Variants in PCCB observed in about 807,000 individuals in gnomAD.
PCCB encodes propionyl-CoA carboxylase subunit beta, also known as propionyl-CoA carboxylase beta chain, mitochondrial.
PCCB carries 43 observed loss-of-function variants against 60.7 expected under a neutral mutation model. That is an observed-to-expected ratio of 0.71 (90% CI 0.55 to 0.91). The LOEUF (loss-of-function observed/expected upper bound fraction) is 0.91, where lower values mean the gene tolerates loss of function less well. PCCB is among the 40% of genes least tolerant of loss of function. The pLI is 0.00. For missense variants in PCCB, 766 were observed against 702.8 expected, an observed-to-expected ratio of 1.09 and a Z score of -1.02; for synonymous variants, 276 against 255.9, an observed-to-expected ratio of 1.08 and a Z score of -0.75.
Position 136,317,131 on chromosome 3 carries a change from T to C in PCCB, c.1090+67T>C, listed in dbSNP as rs533632504. The C allele has an allele frequency of 1.6e-3, 2,497 of 1,559,578 alleles. 1 individual carries two copies. Among genetic ancestry groups the C allele is most frequent in the Non-Finnish European group, 2.0e-3 (2,215 of 1,131,486 alleles). Reference sequence around the variant, plus strand: ...GCCAGGGAAGCCTGGGTCCATGGTATCCTTTCTGTCTTTTGCCTGTTCTTC... The same window carrying C: ...GCCAGGGAAGCCTGGGTCCATGGTACCCTTTCTGTCTTTTGCCTGTTCTTC... On this transcript the variant is annotated intron_variant, in intron 10 of 14. Transcript: ENST00000251654.
intron 10 of PCCB, 138 bp downstream of exon 10, chr3:136,317,202 A>G (rs1560028596): frequency 1.8e-6 from 1 of 545,290 alleles, no homozygotes; most frequent in Non-Finnish European, 3.0e-6. Flanking sequence ...AATGGTTGTT[A>G]TAAAAGCTAA....
At chr3:136,327,504 C>T (rs1047298857) in intron 12 of PCCB, 130 bp from the exon 13 acceptor site, 11 of 777,386 alleles carry the variant, frequency 1.4e-5, no homozygotes, top group Admixed American at 8.0e-5. Flanking sequence ...TCTTACAGAC[C>T]GTGGGCCTTC....
chr3:136,262,396 T>G (rs1941851379), intron 5 of PCCB, among the ~76,000 whole-genome samples: 1 of 152,220 alleles, frequency 6.6e-6, no homozygotes, highest in South Asian at 2.1e-4. Context: ...ACTGATGTGC[T>G]TGAATTAGAA....
Position 136,260,034 on chromosome 3 carries a change from G to A in PCCB, c.373-445G>A, listed in dbSNP as rs1167727402. On this transcript the variant is annotated intron_variant, in intron 3 of 14. Coordinates refer to ENST00000251654, the MANE Select transcript of PCCB (RefSeq NM_000532.5). The stretch of plus-strand genomic sequence containing the variant: ...CTCAAAGTCTTGGGATTACAGGTGC[G>A]AGCCACCATGCCCGGGCAACTTTTT... 3.4e-5 allele frequency: 9 copies of A among 263,466 alleles called. No homozygotes were observed. The East Asian group carries it at 5.5e-4, about 16-fold the overall frequency. 16.3% of individuals were successfully genotyped at this position (263,466 alleles called of 1,614,324 possible).
Position 136,327,172 on chromosome 3 carries a change from G to A in PCCB, c.1216G>A (p.Gly406Arg), listed in dbSNP as rs773738403. The A allele has an allele frequency of 1.5e-5, 24 of 1,613,722 alleles. No homozygotes were observed. Among genetic ancestry groups the A allele is most frequent in the Non-Finnish European group, 1.9e-5 (22 of 1,179,732 alleles). Residue 406 changes from glycine (G) to arginine (R), a missense_variant, in exon 12 of 15, where the codon GGG (glycine) becomes AGG (arginine). By Grantham distance (125) the Gly-to-Arg change is moderately radical (BLOSUM62 -2). Coordinates refer to ENST00000251654, the MANE Select transcript of PCCB (RefSeq NM_000532.5). ...ATGTCTAGGCACAGCACAGGAATAC[G>A]GGGGCATCATCCGGCATGGTGCCAA... ...GFLPGTAQEY[G>R]GIIRHGAKLL...
At chr3:136,281,328 T>A (rs1266883104) in intron 5 of PCCB, among the ~76,000 whole-genome samples, 1 of 152,148 alleles carries the variant, frequency 6.6e-6, no homozygotes, top group Admixed American at 6.5e-5. Flanking sequence ...TGGTTCCTTA[T>A]ACTAGATTAT....
intron 9 of PCCB, among the ~76,000 whole-genome samples, chr3:136,314,238 CAT>C (rs1451923909): frequency 2.0e-5 from 3 of 152,046 alleles, no homozygotes; most frequent in Admixed American, 1.3e-4. Context: ...ACAATTTAAA[CAT>C]AAAATGATGG....
At chr3:136,250,664 C>G in intron 1 of PCCB, 106 bp downstream of exon 1, 1 of 1,167,034 alleles carries the variant, frequency 8.6e-7, no homozygotes, top group Non-Finnish European at 1.2e-6. Context: ...CGCACGGTGC[C>G]TGGAGGGGCC....
chr3:136,327,865 C>G (rs1935385782), intron 13 of PCCB, 133 bp downstream of exon 13: 3 of 742,424 alleles, frequency 4.0e-6, no homozygotes, highest in Admixed American at 4.0e-5. Context: ...TGAATGGGAC[C>G]TAGACCTTGG....
At chr3:136,299,283 T>C (rs1231578206) in intron 8 of PCCB, among the ~76,000 whole-genome samples, 1 of 152,018 alleles carries the variant, frequency 6.6e-6, no homozygotes, top group Non-Finnish European at 1.5e-5. Context: ...CATGTGTGCA[T>C]ATGTACGTAT....
At position 136,316,938 on chromosome 3, in the gene PCCB, C is replaced by T. The variant is rs1186569803; in HGVS notation, c.967-3C>T. ...GAGCTCAGAAGTAAATTTATTCCTG[C>T]AGGTTGTTGATGAGCGTGAATTTTT... On this transcript the variant is annotated splice_polypyrimidine_tract_variant and splice_region_variant and intron_variant, in intron 9 of 14. Transcript: ENST00000251654. 1.9e-6 allele frequency: 3 copies of T among 1,613,772 alleles called. No individual in the cohort carries two copies. Among genetic ancestry groups the T allele is most frequent in the African/African-American group, 2.7e-5 (2 of 74,860 alleles).
chr3:136,260,879 C>T (rs1250328088), intron 4 of PCCB, among the ~76,000 whole-genome samples: 2 of 152,134 alleles, frequency 1.3e-5, no homozygotes, highest in African/African-American at 2.4e-5. Flanking sequence ...ACCGTAATTT[C>T]AAAGTAGTCA....
chr3:136,319,209 C>G (rs555051771), intron 10 of PCCB, among the ~76,000 whole-genome samples: 2 of 152,162 alleles, frequency 1.3e-5, no homozygotes, highest in East Asian at 3.9e-4. Flanking sequence ...TGTATATCTT[C>G]TTTGGAAAAA....
chr3:136,261,342 C>T (rs771401196), intron 4 of PCCB, among the ~76,000 whole-genome samples: 11 of 152,146 alleles, frequency 7.2e-5, no homozygotes, highest in Non-Finnish European at 1.5e-4. Flanking sequence ...ACTCCTGAGA[C>T]CTTGGGCCAG....
chr3:136,258,123 A>G (rs1941724268), intron 3 of PCCB, among the ~76,000 whole-genome samples: 1 of 152,084 alleles, frequency 6.6e-6, no homozygotes, highest in Non-Finnish European at 1.5e-5. Context: ...GTACAGAAGG[A>G]ACCATTGAAA....
rs565847371 is a variant in PCCB, at chr3:136,277,291, C to T, written c.544-6546C>T. On this transcript the variant is annotated intron_variant, in intron 5 of 14. Coordinates refer to ENST00000251654, the MANE Select transcript of PCCB (RefSeq NM_000532.5). ...ATAGCTTAGGTCATGCACTGGTTTTCTCCTTTCTGTTCACAGTGTTATTCT... is the reference window on the plus strand; with the variant it reads ...ATAGCTTAGGTCATGCACTGGTTTTTTCCTTTCTGTTCACAGTGTTATTCT... 5.3e-5 allele frequency among the ~76,000 whole-genome samples: 8 copies of T among 152,322 alleles called. No homozygotes were observed. The East Asian group carries it at 1.5e-3, about 29-fold the overall frequency.
chr3:136,254,945 C>T (rs1312659464), intron 1 of PCCB, among the ~76,000 whole-genome samples: 9 of 150,836 alleles, frequency 6.0e-5, no homozygotes, highest in South Asian at 2.1e-4. Context: ...TGCACAATCT[C>T]GGCTCACTGC....
intron 5 of PCCB, among the ~76,000 whole-genome samples, chr3:136,282,391 C>T (rs1022999240): frequency 3.3e-5 from 5 of 152,126 alleles, no homozygotes; most frequent in Admixed American, 6.5e-5. Context: ...TGTGATGTCA[C>T]TCAGTTTTTT....
At chr3:136,303,776 G>A (rs111510216) in intron 9 of PCCB, among the ~76,000 whole-genome samples, 1 of 120,890 alleles carries the variant, frequency 8.3e-6, no homozygotes, top group South Asian at 3.3e-4. Flanking sequence ...GCTAATTTTT[G>A]TACTTTTAGT....
Sources: allele counts gnomAD v4.1 joint callset (sites outside exome capture counted in the v4.1 genomes callset), GRCh38; gene constraint gnomAD v4.1.1; transcripts MANE v1.5; gene names NCBI Gene and HGNC (gene_info 2026-07-23, HGNC 2026-07-21).